The following SPIDR variants were observed in gnomAD, a reference collection of about 807,000 sequenced individuals.
SPIDR encodes DNA repair-scaffolding protein.
Under a neutral mutation model 104.6 loss-of-function variants are expected in SPIDR, and 93 were observed. The ratio of observed to expected loss-of-function variants is 0.89; its 90% CI spans 0.75 to 1.06. The LOEUF (loss-of-function observed/expected upper bound fraction) is 1.06, where lower values mean the gene tolerates loss of function less well. Among genes scored for constraint, SPIDR ranks in the 50% least tolerant of loss-of-function variants. The pLI is 0.00. For synonymous variants in SPIDR, 431 were observed against 416.9 expected, an observed-to-expected ratio of 1.03 and a Z score of -0.41; for missense variants, 1,154 against 1,111.2, an observed-to-expected ratio of 1.04 and a Z score of -0.55.
chr8:47,307,533 GTTTTTTTTT>G (rs71225675), intron 5 of SPIDR, among the ~76,000 whole-genome samples: 1 of 72,112 alleles, frequency 1.4e-5, no homozygotes, highest in Non-Finnish European at 2.5e-5. Context: ...TTCTCATTTC[GTTTTTTTTT>G]TTTTTTTTTT....
Position 47,729,419 on chromosome 8 carries a change from A to C in SPIDR, c.2558A>C (p.Gln853Pro). Reference protein sequence around the residue: ...PQCRVKVKLLQRSISSLLRFA... With the variant: ...PQCRVKVKLLPRSISSLLRFA... ...CTGCTTCTGCTGTTGCAGCTGTTGC[A>C]GCGCAGCATTTCCTCCCTGCTGAGG... Residue 853 changes from glutamine (Q) to proline (P), a missense_variant, in exon 19 of 20, where the codon CAG becomes CCG. Coordinates refer to ENST00000297423, the MANE Select transcript of SPIDR (RefSeq NM_001080394.4). 1.3e-6 allele frequency: 2 copies of C among 1,594,158 alleles called. No homozygotes were observed. The highest frequency in any genetic ancestry group is 1.7e-6 in the Non-Finnish European group (2 of 1,170,658).
At chr8:47,656,254 T>G (rs2072785052) in intron 10 of SPIDR, among the ~76,000 whole-genome samples, 1 of 152,206 alleles carries the variant, frequency 6.6e-6, no homozygotes, top group South Asian at 2.1e-4. Context: ...AAAAACAAAT[T>G]TGCAAATCAC....
chr8:47,628,300 A>G (rs773502651), intron 10 of SPIDR, among the ~76,000 whole-genome samples: 201 of 152,322 alleles, frequency 1.3e-3, no homozygotes, highest in Non-Finnish European at 2.4e-3. Context: ...TCATCATCTT[A>G]TGGGGATAGA....
intron 8 of SPIDR, among the ~76,000 whole-genome samples, chr8:47,534,097 T>TC (rs1463396184): frequency 6.6e-6 from 1 of 152,182 alleles, no homozygotes; most frequent in African/African-American, 2.4e-5. Flanking sequence ...GACTGGTATT[T>TC]CCCCTGCTGG....
intron 8 of SPIDR, among the ~76,000 whole-genome samples, chr8:47,478,019 T>C (rs1554724624): frequency 3.9e-5 from 6 of 151,958 alleles, no homozygotes. Flanking sequence ...GGGGAAGTGG[T>C]ATGGTTGAAG....
Position 47,529,928 on chromosome 8 carries a change from A to T in SPIDR, c.1098-65883A>T, listed in dbSNP as rs1051599899. Among the ~76,000 whole-genome samples the T allele has an allele frequency of 2.6e-5, 4 of 152,198 alleles. No homozygotes were observed. In the South Asian group the frequency reaches 8.3e-4, roughly 31 times the overall value. On this transcript the variant is annotated intron_variant, in intron 8 of 19. Transcript: ENST00000297423. ...ACATCAAACTCAAGAGGAACCACAT[A>T]AAAAAGTAAAAAAGGAAGTACAATC...
chr8:47,421,544 C>G (rs1185391732), intron 7 of SPIDR, among the ~76,000 whole-genome samples: 1 of 152,122 alleles, frequency 6.6e-6, no homozygotes, highest in African/African-American at 2.4e-5. Context: ...ACTTCTTTGC[C>G]ATGGGTTTGA....
chr8:47,597,530 ACATGCTGTC>A (rs1319619755), intron 9 of SPIDR, among the ~76,000 whole-genome samples: 1 of 152,196 alleles, frequency 6.6e-6, no homozygotes, highest in East Asian at 1.9e-4. Context: ...CCACGGTCAA[ACATGCTGTC>A]CATTGTTGAC....
chr8:47,610,766 G>T (rs546083501), intron 10 of SPIDR, among the ~76,000 whole-genome samples: 1 of 152,192 alleles, frequency 6.6e-6, no homozygotes, highest in Non-Finnish European at 1.5e-5. Flanking sequence ...AGATGCCCTT[G>T]TTTCTTCCTC....
At chr8:47,716,236 A>G (rs1391898717) in intron 16 of SPIDR, among the ~76,000 whole-genome samples, 1 of 152,212 alleles carries the variant, frequency 6.6e-6, no homozygotes, top group Non-Finnish European at 1.5e-5. Context: ...CTGGAATTAC[A>G]GGTGTGAACC....
intron 18 of SPIDR, 172 bp from the exon 19 acceptor site, chr8:47,729,240 G>A: frequency 1.4e-6 from 2 of 1,437,562 alleles, no homozygotes; most frequent in Non-Finnish European, 9.4e-7. Flanking sequence ...TGCACCCTAT[G>A]TGAACACAGT....
At chr8:47,545,659 C>T (rs1483214489) in intron 8 of SPIDR, among the ~76,000 whole-genome samples, 1 of 152,096 alleles carries the variant, frequency 6.6e-6, no homozygotes, top group African/African-American at 2.4e-5. Context: ...GCTAGAACTT[C>T]CGGTACTACA....
chr8:47,579,150 A>G (rs951891763), intron 8 of SPIDR, among the ~76,000 whole-genome samples: 1 of 152,222 alleles, frequency 6.6e-6, no homozygotes, highest in Non-Finnish European at 1.5e-5. Flanking sequence ...TAACAAATCC[A>G]TTAGTAGCAA....
chr8:47,492,401 C>G (rs888392376), intron 8 of SPIDR, among the ~76,000 whole-genome samples: 4 of 152,170 alleles, frequency 2.6e-5, no homozygotes, highest in Admixed American at 2.0e-4. Flanking sequence ...CTCTCATCCC[C>G]AAGAAACAGA....
intron 8 of SPIDR, among the ~76,000 whole-genome samples, chr8:47,510,809 A>G (rs4873463): frequency 0.69 from 105,383 of 152,102 alleles, 36,827 homozygotes; most frequent in East Asian, 0.82. Context: ...GTTTTTGGTT[A>G]TTTTTATTTT....
chr8:47,595,417 GT>G (rs891641850), intron 8 of SPIDR, among the ~76,000 whole-genome samples: 1 of 152,212 alleles, frequency 6.6e-6, no homozygotes, highest in Non-Finnish European at 1.5e-5. Flanking sequence ...TTAATGGTAT[GT>G]TCTTTGAAAG....
chr8:47,581,946 G>C (rs1278546552), intron 8 of SPIDR, among the ~76,000 whole-genome samples: 1 of 151,898 alleles, frequency 6.6e-6, no homozygotes, highest in East Asian at 1.9e-4. Context: ...ACTGGGCATG[G>C]TGGCTCACTC....
chr8:47,557,888 G>C (rs995335281), intron 8 of SPIDR, among the ~76,000 whole-genome samples: 1 of 152,002 alleles, frequency 6.6e-6, no homozygotes, highest in Non-Finnish European at 1.5e-5. Flanking sequence ...CAATAGCAGC[G>C]ACCTGGAATC....
chr8:47,509,815 A>T (rs1418847444), intron 8 of SPIDR, among the ~76,000 whole-genome samples: 1 of 152,194 alleles, frequency 6.6e-6, no homozygotes, highest in East Asian at 1.9e-4. Context: ...CACAAATACC[A>T]TGGTGGCACG....
Sources: gnomAD v4.1 joint callset for allele counts (sites outside exome capture counted in the v4.1 genomes callset) on GRCh38, gnomAD v4.1.1 for gene constraint, MANE v1.5 for transcripts, NCBI Gene and HGNC (gene_info 2026-07-23, HGNC 2026-07-21) for gene names.